The following SLC39A10 variants were observed in gnomAD, a reference collection of about 807,000 sequenced individuals.
SLC39A10 encodes solute carrier family 39 member 10.
A neutral mutation model predicts 65.1 loss-of-function variants in SLC39A10; 13 were observed. The observed-to-expected ratio is 0.20, with a 90% CI of 0.13 to 0.32. The LOEUF is 0.32. Ranked by LOEUF, SLC39A10 falls within the 10% of genes least tolerant of loss-of-function variation. The pLI, the probability that SLC39A10 is intolerant of heterozygous loss-of-function variation, is 1.00. For missense variants in SLC39A10, 831 were observed against 1,018.4 expected, an observed-to-expected ratio of 0.82 and a Z score of 2.50; for synonymous variants, 321 against 342.2, an observed-to-expected ratio of 0.94 and a Z score of 0.68.
Position 195,737,110 on chromosome 2 carries a change from A to ATTATC in SLC39A10, c.*2072_*2076dup, listed in dbSNP as rs1385827303. On this transcript the variant is annotated 3_prime_UTR_variant, in exon 10 of 10. Transcript: ENST00000359634. ...AGTTTTATATTCTCTCAAAAATGGT[A>ATTATC]TTATCTTTCTTTATTTGCTAGATTC... The ATTATC allele has an allele frequency of 6.6e-5, 10 of 151,774 alleles. No individual in the cohort carries two copies. Among genetic ancestry groups the ATTATC allele is most frequent in the South Asian group, 2.1e-4 (1 of 4,788 alleles). 9.4% of individuals were successfully genotyped at this position (151,774 alleles called of 1,614,324 possible).
At chr2:195,715,088 G>A (rs1691740698) in intron 6 of SLC39A10, among the ~76,000 whole-genome samples, 1 of 152,044 alleles carries the variant, frequency 6.6e-6, no homozygotes. Context: ...GTAAGCTTAA[G>A]TGATTATATT....
upstream of SLC39A10, among the ~76,000 whole-genome samples, chr2:195,652,183 A>T (rs1044300431): frequency 2.1e-4 from 32 of 152,170 alleles, no homozygotes; most frequent in Non-Finnish European, 4.0e-4. Flanking sequence ...ACAGACCTGG[A>T]ATCAATATGA....
chr2:195,673,988 A>G (rs2105756935), intron 1 of SLC39A10, among the ~76,000 whole-genome samples: 1 of 152,326 alleles, frequency 6.6e-6, no homozygotes, highest in Middle Eastern at 3.4e-3. Context: ...CTGAGAAGAT[A>G]ATGACTCCAG....
chr2:195,644,142 CAT>C (rs1008179075), intron 2 of SLC39A10, among the ~76,000 whole-genome samples: 34 of 38,924 alleles, frequency 8.7e-4, no homozygotes, highest in Admixed American at 3.8e-3. Context: ...AATGTACATT[CAT>C]TTTTTTTTTT....
At chr2:195,614,933 C>T (rs1484618468) in intron 2 of SLC39A10, among the ~76,000 whole-genome samples, 2 of 151,958 alleles carry the variant, frequency 1.3e-5, no homozygotes, top group Non-Finnish European at 2.9e-5. Flanking sequence ...GCCTTGTGGT[C>T]CTAGCTACTC....
intron 3 of SLC39A10, among the ~76,000 whole-genome samples, chr2:195,701,758 T>C (rs1218315863): frequency 6.6e-6 from 1 of 152,142 alleles, no homozygotes; most frequent in Non-Finnish European, 1.5e-5. Context: ...CATGGCTCAC[T>C]ACAGCCTCAA....
Position 195,680,019 on chromosome 2 carries a change from T to G in SLC39A10, c.-11-13T>G, listed in dbSNP as rs755213920. The G allele has an allele frequency of 9.6e-6, 15 of 1,557,804 alleles. No individual in the cohort carries two copies. In the East Asian group the frequency reaches 3.1e-4, roughly 33 times the overall value. ...AGAAACTAATACTTGTCTCTCTCTT[T>G]AAATCTCTTTAGGAAAAATAGAAAT... On this transcript the variant is annotated splice_polypyrimidine_tract_variant and intron_variant, in intron 1 of 9. Transcript: ENST00000359634.
chr2:195,630,409 A>T (rs1241987711), intron 2 of SLC39A10, among the ~76,000 whole-genome samples: 1 of 151,758 alleles, frequency 6.6e-6, no homozygotes, highest in East Asian at 1.9e-4. Context: ...CCCTCCAAGA[A>T]CCTCCAAGTA....
chr2:195,716,571 T>TGTCTAC lies in SLC39A10; in HGVS notation c.1697-64_1697-63insCTACGT, dbSNP rs3841858. The TGTCTAC allele has an allele frequency of 2.1e-4, 289 of 1,350,152 alleles. 4 individuals carry two copies. The African/African-American group carries it at 3.9e-3, about 18-fold the overall frequency. 83.6% of individuals were successfully genotyped at this position (1,350,152 alleles called of 1,614,324 possible). A position where few individuals can be genotyped will look rare whatever the true frequency, so the allele number is the denominator to read the frequency against. ...AGAAATGTTCATTGCACTGCTATTC[T>TGTCTAC]GTTTAAATTAGCAAATATCCATGCA... On this transcript the variant is annotated intron_variant, in intron 6 of 9. Coordinates refer to ENST00000359634, the MANE Select transcript of SLC39A10 (RefSeq NM_020342.3).
intron 1 of SLC39A10, chr2:195,674,706 T>G (rs1053012753): frequency 4.3e-6 from 4 of 940,886 alleles, no homozygotes; most frequent in Non-Finnish European, 5.1e-6. Flanking sequence ...CAGGCTTAGG[T>G]GATTTTGTCA....
chr2:195,698,350 G>A (rs1292573042), intron 3 of SLC39A10, among the ~76,000 whole-genome samples: 1 of 152,044 alleles, frequency 6.6e-6, no homozygotes, highest in Non-Finnish European at 1.5e-5. Flanking sequence ...AGAACTTCCA[G>A]TACTATATTG....
intron 3 of SLC39A10, among the ~76,000 whole-genome samples, chr2:195,705,545 G>T (rs1691369255): frequency 6.6e-6 from 1 of 151,998 alleles, no homozygotes; most frequent in Non-Finnish European, 1.5e-5. Flanking sequence ...TTTCCTTGTT[G>T]TTGAAAATTT....
chr2:195,709,035 G>GT (rs958041039), intron 5 of SLC39A10, among the ~76,000 whole-genome samples, 191 bp downstream of exon 5: 4 of 151,748 alleles, frequency 2.6e-5, no homozygotes, highest in Non-Finnish European at 5.9e-5. Flanking sequence ...TTGTTGTTTG[G>GT]TTTTTTTGAG....
At chr2:195,648,784 T>A (rs1442058297) in intron 2 of SLC39A10, among the ~76,000 whole-genome samples, 1 of 152,234 alleles carries the variant, frequency 6.6e-6, no homozygotes. Flanking sequence ...TGTAACCATC[T>A]CAGTTTTCTT....
chr2:195,712,948 A>G (rs1174983664), intron 5 of SLC39A10, among the ~76,000 whole-genome samples: 3 of 152,202 alleles, frequency 2.0e-5, no homozygotes, highest in Non-Finnish European at 2.9e-5. Flanking sequence ...CTTATATTCA[A>G]TAAATTTAAC....
rs538485997 is a variant in SLC39A10, at chr2:195,673,820, A to G, written c.-11-6212A>G. On this transcript the variant is annotated intron_variant, in intron 1 of 9. Coordinates refer to ENST00000359634, the MANE Select transcript of SLC39A10 (RefSeq NM_020342.3). Reference sequence around the variant, plus strand: ...GATTTATAGAAAAGTACACAGAAGAATAATCAAGCACCTGAATCCCATTAT... The same window carrying G: ...GATTTATAGAAAAGTACACAGAAGAGTAATCAAGCACCTGAATCCCATTAT... Among the ~76,000 whole-genome samples the G allele has an allele frequency of 4.6e-5, 7 of 152,374 alleles. No homozygotes were observed. In the East Asian group the frequency reaches 1.3e-3, roughly 29 times the overall value.
At chr2:195,697,088 T>C (rs763113823) in intron 3 of SLC39A10, among the ~76,000 whole-genome samples, 2 of 152,178 alleles carry the variant, frequency 1.3e-5, no homozygotes, top group Non-Finnish European at 2.9e-5. Flanking sequence ...GGGAGGGATC[T>C]GTTGGTCTTA....
intron 2 of SLC39A10, among the ~76,000 whole-genome samples, chr2:195,614,395 C>T (rs1313735689): frequency 6.6e-6 from 1 of 152,108 alleles, no homozygotes; most frequent in Non-Finnish European, 1.5e-5. Context: ...GTAAGCTCTA[C>T]TTTTGCATTC....
In SLC39A10 at chr2:195,680,369, T is replaced by C; in HGVS notation, c.327T>C (p.Val109=). The change falls in exon 2 of 10, where the codon GTT becomes GTC. Residue 109 remains valine, a synonymous_variant. Transcript: ENST00000359634. ...ATGAGGATCTTGGCCACGATCATGT[T>C]TCTCATTTAGATATTTTGGCAGTTC... ...INHEDLGHDH[V]SHLDILAVQE... 6.2e-7 allele frequency: 1 copy of C among 1,614,178 alleles called. No homozygotes were observed. The highest frequency in any genetic ancestry group is 8.5e-7 in the Non-Finnish European group (1 of 1,180,038).
Sources: gnomAD v4.1 joint callset for allele counts (sites outside exome capture counted in the v4.1 genomes callset) on GRCh38, gnomAD v4.1.1 for gene constraint, MANE v1.5 for transcripts, NCBI Gene and HGNC (gene_info 2026-07-23, HGNC 2026-07-21) for gene names.